The following PATZ1 variants were observed in gnomAD, a reference collection of about 807,000 sequenced individuals.
PATZ1 encodes the protein POZ-, AT hook-, and zinc finger-containing protein 1.
A neutral mutation model predicts 46.2 loss-of-function variants in PATZ1; 9 were observed. That is an observed-to-expected ratio of 0.19 (90% confidence interval 0.12 to 0.34). The LOEUF is 0.34. Ranked by LOEUF, PATZ1 falls within the 10% of genes least tolerant of loss-of-function variation. The pLI, the probability that PATZ1 is intolerant of heterozygous loss-of-function variation, is 1.00. For synonymous variants in PATZ1, 426 were observed against 378.6 expected (o/e 1.13, Z -1.45); for missense variants, 632 against 923.0 (o/e 0.68, Z 4.08).
intron 2 of PATZ1, 93 bp from the exon 3 acceptor site, chr22:31,335,956 GC>G (rs1294570033): frequency 4.3e-6 from 5 of 1,154,058 alleles, no homozygotes; most frequent in Admixed American, 2.0e-5. Flanking sequence ...GCAATTTCTG[GC>G]CATCACATGA....
At position 31,344,392 on chromosome 22, in the gene PATZ1, G is replaced by T; in HGVS notation, c.1211C>A (p.Ser404Tyr). ...RKDRMSYHVRSHDGSVGKPYI... is the reference protein window; with the variant it reads ...RKDRMSYHVRYHDGSVGKPYI... ...AGGCTTGCCCACGGACCCATCATGG[G>T]ACCGCACATGGTAGGACATGCGGTC... Residue 404 changes from serine (S) to tyrosine (Y), a missense_variant, in exon 1 of 5, where the codon TCC (serine) becomes TAC (tyrosine). By Grantham distance (144) the Ser-to-Tyr change is moderately radical. Coordinates refer to ENST00000266269, the MANE Select transcript of PATZ1 (RefSeq NM_014323.3). The T allele has an allele frequency of 6.2e-7, 1 of 1,614,094 alleles. No homozygotes were observed. Among genetic ancestry groups the T allele is most frequent in the South Asian group, 1.1e-5 (1 of 91,070 alleles).
rs2049653606 is a variant in PATZ1 at position 31,346,048 on chromosome 22, T to A, written c.-446A>T. ...GCAGGCGCGCGCGCGCGCCGCGGCT[T>A]TTCCCGGGCCCGCTGGGGGCGCGCG... On this transcript the variant is annotated 5_prime_UTR_variant, in exon 1 of 5. Coordinates refer to ENST00000266269, the MANE Select transcript of PATZ1 (RefSeq NM_014323.3). The A allele has an allele frequency of 6.0e-6, 1 of 165,374 alleles. No homozygotes were observed. Among genetic ancestry groups the A allele is most frequent in the African/African-American group, 2.4e-5 (1 of 41,386 alleles). The allele number at this position is 165,374 out of a possible 1,614,324, so 10.2% of individuals were successfully genotyped here.
chr22:31,344,952 A>C lies in PATZ1; in HGVS notation c.651T>G (p.Gly217=), dbSNP rs1601500190. The C allele has an allele frequency of 1.2e-6, 2 of 1,613,666 alleles. No individual in the cohort carries two copies. Among genetic ancestry groups the C allele is most frequent in the East Asian group, 4.5e-5 (2 of 44,882 alleles). The change falls in exon 1 of 5, where the codon GGT becomes GGG. Residue 217 remains glycine, a synonymous_variant. Coordinates refer to ENST00000266269, the MANE Select transcript of PATZ1 (RefSeq NM_014323.3). The part of the protein sequence containing the change: ...QPEEEAARAA[G]AAIAGQASLP... ...AAGAGGCTTGGCCTGCAATGGCTGCACCAGCCGCCCGAGCTGCCTCCTCCT... is the reference window on the plus strand; with the variant it reads ...AAGAGGCTTGGCCTGCAATGGCTGCCCCAGCCGCCCGAGCTGCCTCCTCCT...
Position 31,328,651 on chromosome 22 carries a change from C to G in PATZ1, c.1645+136G>C, listed in dbSNP as rs906274885. ...CCACTGTGACTTTTGTCCTGGAGGC[C>G]ACTGCCACTCAGATCTCTGAGTCTC... On this transcript the variant is annotated intron_variant, in intron 4 of 4. Coordinates refer to ENST00000266269, the MANE Select transcript of PATZ1 (RefSeq NM_014323.3). The surrounding 1 kb of genome is among the most constrained non-coding windows in gnomAD (Gnocchi z 4.8). 2 of 740,588 alleles carry G rather than the reference C, an allele frequency of 2.7e-6. No individual in the cohort carries two copies. Among genetic ancestry groups the G allele is most frequent in the African/African-American group, 3.5e-5 (2 of 57,786 alleles). 45.9% of individuals were successfully genotyped at this position (740,588 alleles called of 1,614,324 possible). A position where few individuals can be genotyped will look rare whatever the true frequency, so the allele number is the denominator to read the frequency against.
chr22:31,345,636 C>T lies in PATZ1; in HGVS notation c.-34G>A. 6.5e-7 allele frequency: 1 copy of T among 1,545,516 alleles called. No homozygotes were observed. Among genetic ancestry groups the T allele is most frequent in the Non-Finnish European group, 8.8e-7 (1 of 1,141,584 alleles). On this transcript the variant is annotated 5_prime_UTR_variant, in exon 1 of 5. Transcript: ENST00000266269. The surrounding 1 kb of genome is among the most constrained non-coding windows in gnomAD (Gnocchi z 7.4). Reference sequence around the variant, plus strand: ...CCCCCTCCCACTAGCCCGGCCGCTGCACCTGCCCGCCCCCTCCCTTCCCCT... The same window carrying T: ...CCCCCTCCCACTAGCCCGGCCGCTGTACCTGCCCGCCCCCTCCCTTCCCCT...
chr22:31,344,594 G>A lies in PATZ1; in HGVS notation c.1009C>T (p.Pro337Ser). The A allele has an allele frequency of 6.2e-7, 1 of 1,614,170 alleles. No individual in the cohort carries two copies. Among genetic ancestry groups the A allele is most frequent in the Non-Finnish European group, 8.5e-7 (1 of 1,180,036 alleles). ...GGGCCGTCGGGGTCTTCAGAGATGG[G>A]TAGCCCATTCTCACCCAGCCTCGGA... ...PPPRLGENGL[P>S]ISEDPDGPRK... Residue 337 changes from proline to serine, a missense_variant, in exon 1 of 5, where the codon CCC (proline) becomes TCC (serine). Around this residue, in one of 7 missense-constraint regions of PATZ1, gnomAD observed 279 missense variants for 284.3 expected, o/e 0.98. Transcript: ENST00000266269.
intron 3 of PATZ1, among the ~76,000 whole-genome samples, chr22:31,331,696 C>G (rs2049445972): frequency 6.6e-6 from 1 of 152,136 alleles, no homozygotes; most frequent in South Asian, 2.1e-4. Flanking sequence ...GAAGCTCTCT[C>G]CCTGTGATGA....
Position 31,326,760 on chromosome 22 carries a change from TG to T in PATZ1, c.*130del. The T allele has an allele frequency of 1.4e-6, 1 of 695,266 alleles. No homozygotes were observed. The highest frequency in any genetic ancestry group is 2.4e-6 in the Non-Finnish European group (1 of 420,580). The allele number at this position is 695,266 out of a possible 1,614,324, so 43.1% of individuals were successfully genotyped here. ...ATGGGTGGTGGAGAAGGAGTTGGAG[TG>T]GGGTTGGGGGGCAGTTAAAAATGAA... On this transcript the variant is annotated 3_prime_UTR_variant, in exon 5 of 5. Coordinates refer to ENST00000266269, the MANE Select transcript of PATZ1 (RefSeq NM_014323.3).
chr22:31,345,782 G>C lies in PATZ1; in HGVS notation c.-180C>G. On this transcript the variant is annotated 5_prime_UTR_variant, in exon 1 of 5. Coordinates refer to ENST00000266269, the MANE Select transcript of PATZ1 (RefSeq NM_014323.3). This position sits in a 1 kb window ranked among gnomAD's most constrained non-coding sequence, Gnocchi z 7.4. ...CCCCCAGCCCGGATCAGACTGTCTA[G>C]ACTGCGGGGTGCACCACCCCCCACA... is the stretch of plus-strand genomic sequence containing the variant. The C allele has an allele frequency of 6.7e-6, 4 of 600,614 alleles. No individual in the cohort carries two copies. Among genetic ancestry groups the C allele is most frequent in the South Asian group, 2.4e-5 (1 of 41,000 alleles). The allele number at this position is 600,614 out of a possible 1,614,324, so 37.2% of individuals were successfully genotyped here.
intron 3 of PATZ1, 172 bp downstream of exon 3, chr22:31,335,520 G>A: frequency 1.6e-6 from 1 of 607,146 alleles, no homozygotes; most frequent in Non-Finnish European, 2.8e-6. Context: ...TTCTTGGGAA[G>A]GAAGAGGTAG....
intron 3 of PATZ1, among the ~76,000 whole-genome samples, chr22:31,329,777 CCAA>C (rs1487429102): frequency 6.6e-6 from 1 of 152,178 alleles, no homozygotes; most frequent in Non-Finnish European, 1.5e-5. Flanking sequence ...ACATCTTGGG[CCAA>C]CTTCCACAGC....
At chr22:31,341,726 C>A (rs747746496) in intron 2 of PATZ1, 3 of 1,555,028 alleles carry the variant, frequency 1.9e-6, no homozygotes, top group African/African-American at 1.4e-5. Flanking sequence ...CCCAGGCCAC[C>A]GGGCTTGCCC....
At position 31,344,959 on chromosome 22, in the gene PATZ1, G is replaced by C. The variant is rs750839896; in HGVS notation, c.644C>G (p.Ala215Gly). 7 of 1,613,756 alleles carry C rather than the reference G, an allele frequency of 4.3e-6. No homozygotes were observed. Among genetic ancestry groups the C allele is most frequent in the African/African-American group, 2.7e-5 (2 of 75,080 alleles). The change falls in exon 1 of 5, where the codon GCG becomes GGG. Residue 215 changes from alanine (A) to glycine (G), a missense_variant. Ala to Gly is a moderately conservative substitution (Grantham distance 60, BLOSUM62 0). Around this residue, in one of 7 missense-constraint regions of PATZ1, gnomAD observed 279 missense variants for 284.3 expected, o/e 0.98. Transcript: ENST00000266269. ...SMQPEEEAAR[A>G]AGAAIAGQAS... ...TTGGCCTGCAATGGCTGCACCAGCC[G>C]CCCGAGCTGCCTCCTCCTCTGGCTG... is the stretch of plus-strand genomic sequence containing the variant.
At position 31,328,723 on chromosome 22, in the gene PATZ1, A is replaced by C; in HGVS notation, c.1645+64T>G. ...GCAGCCTTCCCGCCTCCCCACGCCCAGCCCAGCGCCCCCACAACACAGTCT... is the reference window on the plus strand; with the variant it reads ...GCAGCCTTCCCGCCTCCCCACGCCCCGCCCAGCGCCCCCACAACACAGTCT... On this transcript the variant is annotated intron_variant, in intron 4 of 4. Coordinates refer to ENST00000266269, the MANE Select transcript of PATZ1 (RefSeq NM_014323.3). This position sits in a 1 kb window ranked among gnomAD's most constrained non-coding sequence, Gnocchi z 4.8. 1 of 1,532,996 alleles carries C rather than the reference A, an allele frequency of 6.5e-7. No individual in the cohort carries two copies. Among genetic ancestry groups the C allele is most frequent in the Non-Finnish European group, 9.0e-7 (1 of 1,109,130 alleles). 95.0% of individuals were successfully genotyped at this position (1,532,996 alleles called of 1,614,324 possible).
At position 31,326,986 on chromosome 22, in the gene PATZ1, C is replaced by G; in HGVS notation, c.1969G>C (p.Glu657Gln). ...TGAACAATCTGAAACCCAAAGGACT[C>G]GAGGAGAGACATGTTCTGCTGAGGA... ...FSPQQNMSLL[E>Q]SFGFQIVQSA... The change falls in exon 5 of 5, where the codon GAG (glutamate) becomes CAG (glutamine). Residue 657 changes from glutamate (E) to glutamine (Q), a missense_variant. Physicochemically the swap from Glu to Gln is conservative, Grantham distance 29. Around this residue, in one of 7 missense-constraint regions of PATZ1, gnomAD observed 176 missense variants for 249.4 expected, o/e 0.71. Coordinates refer to ENST00000266269, the MANE Select transcript of PATZ1 (RefSeq NM_014323.3). 1 of 1,614,136 alleles carries G rather than the reference C, an allele frequency of 6.2e-7. No homozygotes were observed. The highest frequency in any genetic ancestry group is 8.5e-7 in the Non-Finnish European group (1 of 1,180,024).
intron 3 of PATZ1, among the ~76,000 whole-genome samples, chr22:31,334,479 C>T (rs1357923101): frequency 3.3e-5 from 5 of 152,154 alleles, no homozygotes; most frequent in Admixed American, 2.6e-4. Flanking sequence ...CCGTGGACCT[C>T]GGCACATGAA....
Position 31,326,436 on chromosome 22 carries a change from T to G in PATZ1, c.*455A>C. ...AAAACAGTTGGGCATCCGCATTGTA[T>G]AAGTAGGTGGAGACCCTAGTGTGGT... On this transcript the variant is annotated 3_prime_UTR_variant, in exon 5 of 5. Coordinates refer to ENST00000266269, the MANE Select transcript of PATZ1 (RefSeq NM_014323.3). The G allele has an allele frequency of 4.1e-6, 1 of 241,118 alleles. No individual in the cohort carries two copies. The highest frequency in any genetic ancestry group is 8.1e-6 in the Non-Finnish European group (1 of 122,956). The allele number at this position is 241,118 out of a possible 1,614,324, so 14.9% of individuals were successfully genotyped here.
rs2145819201 is a variant in PATZ1, at chr22:31,335,756, G to A, written c.1443C>T (p.Tyr481=). The change falls in exon 3 of 5, where the codon TAC becomes TAT. Residue 481 remains tyrosine (Y), a synonymous_variant. Coordinates refer to ENST00000266269, the MANE Select transcript of PATZ1 (RefSeq NM_014323.3). ...QVCGKYLRAA[Y]MADHLKKHSE... is the part of the protein sequence containing the mutation. ...TGTGCTTCTTCAGGTGGTCTGCCATGTATGCTGCCCGCAAGTACTTCCCAC... is the reference window on the plus strand; with the variant it reads ...TGTGCTTCTTCAGGTGGTCTGCCATATATGCTGCCCGCAAGTACTTCCCAC... 3 of 1,614,182 alleles carry A rather than the reference G, an allele frequency of 1.9e-6. No individual in the cohort carries two copies. The highest frequency in any genetic ancestry group is 2.2e-5 in the East Asian group (1 of 44,876).
chr22:31,340,994 T>C (rs1305599067), intron 2 of PATZ1: 4 of 1,073,740 alleles, frequency 3.7e-6, no homozygotes, highest in Non-Finnish European at 4.5e-6. Flanking sequence ...GGAGGCCGAC[T>C]CACTCGTGGA....
Sources: allele counts gnomAD v4.1 joint callset (sites outside exome capture counted in the v4.1 genomes callset), GRCh38; gene constraint gnomAD v4.1.1; regional missense constraint gnomAD v4.1.1; non-coding constraint Gnocchi (gnomAD v3.1); transcripts MANE v1.5; gene names NCBI Gene and HGNC (gene_info 2026-07-23, HGNC 2026-07-21).